The following SLC36A1 variants were observed in gnomAD, a reference collection of about 807,000 sequenced individuals.
SLC36A1 encodes proton-coupled amino acid transporter 1.
Under a neutral mutation model 47.5 loss-of-function variants are expected in SLC36A1, and 30 were observed. That is an observed-to-expected ratio of 0.63 (90% CI 0.47 to 0.86). SLC36A1 has a LOEUF of 0.86. Among genes scored for constraint, SLC36A1 ranks in the 40% least tolerant of loss-of-function variants. The pLI is 0.00. For synonymous variants in SLC36A1, 255 were observed against 249.7 expected, an observed-to-expected ratio of 1.02 and a Z score of -0.20; for missense variants, 517 against 606.0, an observed-to-expected ratio of 0.85 and a Z score of 1.54.
At chr5:151,348,018 C>A in the SLC36A1 span, among the ~76,000 whole-genome samples, 1 of 152,168 alleles carries the variant, frequency 6.6e-6, no homozygotes, top group Non-Finnish European at 1.5e-5. Context: ...TTTTATTCAT[C>A]TCAGGGTAGA....
At chr5:151,446,184 C>A (rs1752907287), upstream of SLC36A1, among the ~76,000 whole-genome samples, 1 of 152,132 alleles carries the variant, frequency 6.6e-6, no homozygotes, top group Non-Finnish European at 1.5e-5. Context: ...TGTCAATTGT[C>A]TGAAAATATT....
the SLC36A1 span, among the ~76,000 whole-genome samples, chr5:151,424,964 A>G: frequency 6.6e-6 from 1 of 152,236 alleles, no homozygotes; most frequent in South Asian, 2.1e-4. Flanking sequence ...ACTAAAAATG[A>G]ATAAATTATA....
chr5:151,437,587 A>G (rs1759844390), intron 1 of SLC36A1, among the ~76,000 whole-genome samples: 1 of 152,168 alleles, frequency 6.6e-6, no homozygotes, highest in South Asian at 2.1e-4. Flanking sequence ...ATTGATCAAC[A>G]TTATATTAGG....
At position 151,467,853 on chromosome 5, in the gene SLC36A1, G is replaced by C; in HGVS notation, c.651G>C (p.Leu217=). ...LLVFIRNLRA[L]SIFSLLANIT... is the part of the protein sequence containing the mutation. ...TTTTCATCAGGAACCTCCGAGCCCT[G>C]TCCATCTTCTCCCTGTTGGCCAACA... The change falls in exon 7 of 11, where the codon CTG becomes CTC. Residue 217 remains leucine (L), a synonymous_variant. Coordinates refer to ENST00000243389, the MANE Select transcript of SLC36A1 (RefSeq NM_078483.4). 2.5e-6 allele frequency: 4 copies of C among 1,613,902 alleles called. No homozygotes were observed. The highest frequency in any genetic ancestry group is 3.4e-6 in the Non-Finnish European group (4 of 1,179,990).
chr5:151,415,199 A>G, the SLC36A1 span, among the ~76,000 whole-genome samples: 5 of 152,104 alleles, frequency 3.3e-5, no homozygotes, highest in African/African-American at 1.2e-4. Flanking sequence ...TTGCCCCTCA[A>G]TCTATGTCCC....
chr5:151,492,968 A>G (rs1490721729), downstream of SLC36A1, among the ~76,000 whole-genome samples: 2 of 151,922 alleles, frequency 1.3e-5, no homozygotes, highest in Non-Finnish European at 2.9e-5. Context: ...CAGTTCCTTG[A>G]TTTGTCTCTC....
In SLC36A1 at chr5:151,463,585, G is replaced by T; in HGVS notation, c.176G>T (p.Gly59Val). 3 of 1,614,146 alleles carry T rather than the reference G, an allele frequency of 1.9e-6. No homozygotes were observed. The highest frequency in any genetic ancestry group is 2.5e-6 in the Non-Finnish European group (3 of 1,180,024). ...CAGACCTTGATCCACCTGTTAAAAG[G>T]CAACATTGGCACAGGACTCCTGGGA... ...WFQTLIHLLKGNIGTGLLGLP... is the reference protein window; with the variant it reads ...WFQTLIHLLKVNIGTGLLGLP... Residue 59 changes from glycine (G) to valine (V), a missense_variant, in exon 3 of 11, where the codon GGC becomes GTC. Coordinates refer to ENST00000243389, the MANE Select transcript of SLC36A1 (RefSeq NM_078483.4).
At chr5:151,366,507 G>A in the SLC36A1 span, 691 of 304,616 alleles carry the variant, frequency 2.3e-3, 1 homozygote, top group Admixed American at 3.2e-3. Context: ...TGATCAGGGC[G>A]TCCTTGGTGA....
chr5:151,411,046 T>G, the SLC36A1 span, among the ~76,000 whole-genome samples: 2 of 144,908 alleles, frequency 1.4e-5, no homozygotes, highest in African/African-American at 5.0e-5. Flanking sequence ...GTGTTCTCAC[T>G]TGTAGTTTTA....
chr5:151,542,800 T>G, the SLC36A1 span: 2 of 1,614,186 alleles, frequency 1.2e-6, no homozygotes, highest in Non-Finnish European at 1.7e-6. Flanking sequence ...GGACACCACA[T>G]CAGTGTTCTG....
At chr5:151,504,188 C>T in the SLC36A1 span, 1 of 152,786 alleles carries the variant, frequency 6.5e-6, no homozygotes, top group Non-Finnish European at 1.5e-5. Flanking sequence ...CAGCCACAAA[C>T]CACTCACACA....
At chr5:151,476,470 T>A (rs1284507409) in intron 8 of SLC36A1, 120 bp from the exon 9 acceptor site, 1 of 756,028 alleles carries the variant, frequency 1.3e-6, no homozygotes, top group Non-Finnish European at 2.1e-6. Context: ...AAAGAGCAGA[T>A]GTGCTTCTGG....
the SLC36A1 span, chr5:151,517,729 C>G: frequency 2.5e-6 from 4 of 1,614,068 alleles, no homozygotes; most frequent in Non-Finnish European, 3.4e-6. Flanking sequence ...GGCCCTGTAC[C>G]GCACATAGCT....
intron 10 of SLC36A1, among the ~76,000 whole-genome samples, chr5:151,484,159 T>C (rs1759202003): frequency 6.6e-6 from 1 of 152,116 alleles, no homozygotes; most frequent in South Asian, 2.1e-4. Flanking sequence ...TTAACTATCA[T>C]GAAGTGCCCA....
rs1156305401 is a variant in SLC36A1 at position 151,474,159 on chromosome 5, C to CAAAAAAAAA, written c.822+400_822+408dup. ...TGGGTGACAGAGCGAGACTCTGTCT[C>CAAAAAAAAA]AAAAAAAAAAAAAAAAAAAAGAAAT... On this transcript the variant is annotated intron_variant, in intron 8 of 10. Coordinates refer to ENST00000243389, the MANE Select transcript of SLC36A1 (RefSeq NM_078483.4). Among the ~76,000 whole-genome samples, 38 of 59,934 alleles carry CAAAAAAAAA rather than the reference C, an allele frequency of 6.3e-4. 1 individual carries two copies. Among genetic ancestry groups the CAAAAAAAAA allele is most frequent in the African/African-American group, 2.3e-3 (28 of 11,982 alleles). The allele number at this position is 59,934 out of a possible 152,430, so 39.3% of individuals were successfully genotyped here.
the SLC36A1 span, chr5:151,544,299 G>C: frequency 3.1e-6 from 5 of 1,614,080 alleles, no homozygotes; most frequent in Non-Finnish European, 1.7e-6. Flanking sequence ...AAGTGGTATA[G>C]ACCAATTGGG....
the SLC36A1 span, among the ~76,000 whole-genome samples, chr5:151,518,749 AAGCATCTTTGAC>A: frequency 2.0e-5 from 3 of 152,294 alleles, no homozygotes; most frequent in Admixed American, 1.3e-4. Context: ...TGAGTTTCTT[AAGCATCTTTGAC>A]TGTGGGACAC....
chr5:151,548,502 A>T, the SLC36A1 span, among the ~76,000 whole-genome samples: 5 of 152,194 alleles, frequency 3.3e-5, no homozygotes, highest in Admixed American at 6.5e-5. Context: ...CTTTTTTGAG[A>T]TGGAGTCTTG....
At chr5:151,523,620 G>C in the SLC36A1 span, among the ~76,000 whole-genome samples, 1 of 152,190 alleles carries the variant, frequency 6.6e-6, no homozygotes, top group African/African-American at 2.4e-5. Context: ...CTAAGCTCCT[G>C]TCTAGGCAGG....
Sources: gnomAD v4.1 joint callset for allele counts (sites outside exome capture counted in the v4.1 genomes callset) on GRCh38, gnomAD v4.1.1 for gene constraint, MANE v1.5 for transcripts, NCBI Gene and HGNC (gene_info 2026-07-23, HGNC 2026-07-21) for gene names.